FRMD5: variants seen among roughly 807,000 people sequenced by gnomAD.
The protein encoded by FRMD5 is FERM domain containing 5, also known as FERM domain-containing protein 5.
FRMD5 carries 20 observed loss-of-function variants against 69.0 expected under a neutral mutation model. That is an observed-to-expected ratio of 0.29 (90% CI 0.20 to 0.42). FRMD5 has a LOEUF of 0.42. Among genes scored for constraint, FRMD5 ranks in the 10% least tolerant of loss-of-function variants. The probability of loss-of-function intolerance (pLI) is 1.00; values close to 1 mark genes in which losing one functional copy is unlikely to be tolerated. For missense variants in FRMD5, 595 were observed against 708.6 expected (o/e 0.84, Z 1.82); for synonymous variants, 271 against 260.1 (o/e 1.04, Z -0.40).
chr15:44,076,157 A>G (rs1893754934), intron 1 of FRMD5, among the ~76,000 whole-genome samples: 1 of 152,110 alleles, frequency 6.6e-6, no homozygotes, highest in East Asian at 1.9e-4. Context: ...AAATAGTAAC[A>G]CTTTTACACT....
chr15:44,036,982 A>G (rs1891943026), intron 1 of FRMD5, among the ~76,000 whole-genome samples: 3 of 152,050 alleles, frequency 2.0e-5, no homozygotes, highest in Admixed American at 2.0e-4. Flanking sequence ...ACTCAACATT[A>G]CAACTACAGT....
chr15:43,939,101 C>A (rs2089816504), intron 1 of FRMD5, among the ~76,000 whole-genome samples: 1 of 151,876 alleles, frequency 6.6e-6, no homozygotes, highest in Non-Finnish European at 1.5e-5. Context: ...GAACCCCTGA[C>A]CTCAGGTGAT....
At chr15:44,002,150 C>A in intron 1 of FRMD5, among the ~76,000 whole-genome samples, 1 of 152,166 alleles carries the variant, frequency 6.6e-6, no homozygotes, top group Non-Finnish European at 1.5e-5. Context: ...CCATCTTACC[C>A]TTTCTCTGCC....
Position 43,873,401 on chromosome 15 carries a change from A to T in FRMD5, c.*484T>A, listed in dbSNP as rs1005456352. ...TCCAGATCCCTGGCCTGCCCTGCTG[A>T]GGCTGCAGTGATGAGTCTACTGGAA... is the stretch of plus-strand genomic sequence containing the variant. On this transcript the variant is annotated 3_prime_UTR_variant, in exon 14 of 14. Transcript: ENST00000417257. The T allele has an allele frequency of 2.4e-5, 35 of 1,440,330 alleles. No individual in the cohort carries two copies. The African/African-American group carries it at 4.9e-4, about 20-fold the overall frequency. The allele number at this position is 1,440,330 out of a possible 1,614,324, so 89.2% of individuals were successfully genotyped here. A position where few individuals can be genotyped will look rare whatever the true frequency, so the allele number is the denominator to read the frequency against.
chr15:44,067,677 T>G (rs1893368647), intron 1 of FRMD5, among the ~76,000 whole-genome samples: 1 of 152,074 alleles, frequency 6.6e-6, no homozygotes. Flanking sequence ...CATGACCTAA[T>G]CACGCCTAAA....
intron 1 of FRMD5, among the ~76,000 whole-genome samples, chr15:44,130,564 T>C (rs1336229135): frequency 6.6e-6 from 1 of 152,226 alleles, no homozygotes; most frequent in Non-Finnish European, 1.5e-5. Context: ...AGTCTTTCCA[T>C]AATATGTTAT....
chr15:44,043,909 G>A (rs1892317014), intron 1 of FRMD5, among the ~76,000 whole-genome samples: 1 of 152,112 alleles, frequency 6.6e-6, no homozygotes, highest in Non-Finnish European at 1.5e-5. Flanking sequence ...GGCAACAAAA[G>A]TTAAAATTGA....
chr15:44,146,488 T>C (rs1399922015), intron 1 of FRMD5, among the ~76,000 whole-genome samples: 1 of 152,178 alleles, frequency 6.6e-6, no homozygotes, highest in Non-Finnish European at 1.5e-5. Context: ...ACAGAAAGAT[T>C]TATATTCATT....
At chr15:44,150,284 T>C (rs1253722303) in intron 1 of FRMD5, among the ~76,000 whole-genome samples, 4 of 152,116 alleles carry the variant, frequency 2.6e-5, no homozygotes, top group Non-Finnish European at 4.4e-5. Context: ...CTATTTAATA[T>C]AGAATTGGAA....
At position 44,105,810 on chromosome 15, in the gene FRMD5, T is replaced by C. The variant is rs1390066893; in HGVS notation, c.102+89143A>G. On this transcript the variant is annotated intron_variant, in intron 1 of 13. Transcript: ENST00000417257. Reference sequence around the variant, plus strand: ...ATTACTACTGCCCATTAGAACTAAATGGATGGTGAGTATTTACCACACAAT... The same window carrying C: ...ATTACTACTGCCCATTAGAACTAAACGGATGGTGAGTATTTACCACACAAT... 3.3e-5 allele frequency among the ~76,000 whole-genome samples: 5 copies of C among 152,318 alleles called. No individual in the cohort carries two copies. The South Asian group carries it at 8.3e-4, about 25-fold the overall frequency.
At chr15:44,103,158 T>C (rs1054316665) in intron 1 of FRMD5, among the ~76,000 whole-genome samples, 1 of 152,208 alleles carries the variant, frequency 6.6e-6, no homozygotes, top group African/African-American at 2.4e-5. Context: ...AATGTAAGAA[T>C]AGTCTTGGGA....
At chr15:43,880,000 G>A (rs2088479749) in intron 13 of FRMD5, among the ~76,000 whole-genome samples, 7 of 152,184 alleles carry the variant, frequency 4.6e-5, no homozygotes, top group Admixed American at 4.6e-4. Flanking sequence ...CTGAGGCCTG[G>A]ATAAGGGCTC....
chr15:43,873,237 AAAAAC>A lies in FRMD5; in HGVS notation c.*643_*647del. 1.9e-6 allele frequency: 3 copies of A among 1,549,632 alleles called. No homozygotes were observed. The highest frequency in any genetic ancestry group is 2.6e-6 in the Non-Finnish European group (3 of 1,146,766). On this transcript the variant is annotated 3_prime_UTR_variant, in exon 14 of 14. Coordinates refer to ENST00000417257, the MANE Select transcript of FRMD5 (RefSeq NM_032892.5). Reference sequence around the variant, plus strand: ...AGATGCCCACTCTGCTCAGATTTGAAAAAACAAAAGGAAAAGAAAATCCAACTCAG... The same window carrying A: ...AGATGCCCACTCTGCTCAGATTTGAAAAAAGGAAAAGAAAATCCAACTCAG...
intron 1 of FRMD5, among the ~76,000 whole-genome samples, chr15:44,103,409 C>T (rs1318870522): frequency 6.6e-6 from 1 of 152,158 alleles, no homozygotes; most frequent in Admixed American, 6.5e-5. Flanking sequence ...TAGACATATA[C>T]TGGTAAAATG....
chr15:44,164,574 A>G (rs1401630616), intron 1 of FRMD5, among the ~76,000 whole-genome samples: 2 of 152,244 alleles, frequency 1.3e-5, no homozygotes, highest in Non-Finnish European at 2.9e-5. Flanking sequence ...AATTTGATGA[A>G]ATAACATAAA....
chr15:44,112,648 G>A (rs1346980147), intron 1 of FRMD5, among the ~76,000 whole-genome samples: 3 of 151,622 alleles, frequency 2.0e-5, no homozygotes. Flanking sequence ...TTGTATTTTT[G>A]TAGAGACGGG....
chr15:43,926,218 GGA>G (rs1312583634), intron 1 of FRMD5, among the ~76,000 whole-genome samples: 5 of 152,218 alleles, frequency 3.3e-5, no homozygotes, highest in Admixed American at 2.0e-4. Flanking sequence ...GGGTGAAGTG[GGA>G]GGAGAATGAC....
intron 1 of FRMD5, among the ~76,000 whole-genome samples, chr15:44,106,917 T>C (rs2140559392): frequency 6.6e-6 from 1 of 152,358 alleles, no homozygotes; most frequent in Admixed American, 6.5e-5. Context: ...CAATGAGCTT[T>C]GTTTATGTGG....
intron 1 of FRMD5, among the ~76,000 whole-genome samples, chr15:44,028,732 A>G (rs1891548332): frequency 6.6e-6 from 1 of 152,176 alleles, no homozygotes; most frequent in Admixed American, 6.5e-5. Context: ...CTACAGCCAC[A>G]TATTTCAGCC....
Sources: allele counts gnomAD v4.1 joint callset (sites outside exome capture counted in the v4.1 genomes callset), GRCh38; gene constraint gnomAD v4.1.1; transcripts MANE v1.5; gene names NCBI Gene and HGNC (gene_info 2026-07-23, HGNC 2026-07-21).